The following TDRD9 variants were observed in gnomAD, a reference collection of about 807,000 sequenced individuals.
The protein encoded by TDRD9 is tudor domain containing 9.
TDRD9 carries 124 observed loss-of-function variants against 172.6 expected under a neutral mutation model. That is an observed-to-expected ratio of 0.72 (90% CI 0.62 to 0.83). TDRD9 has a LOEUF of 0.83. Among genes scored for constraint, TDRD9 ranks in the 40% least tolerant of loss-of-function variants. TDRD9 has a pLI of 0.00. For synonymous variants in TDRD9, 619 were observed against 617.1 expected (o/e 1.00, Z -0.05); for missense variants, 1,479 against 1,714.1 (o/e 0.86, Z 2.42).
chr14:103,976,039 C>A (rs2033226261), intron 7 of TDRD9, among the ~76,000 whole-genome samples: 1 of 152,052 alleles, frequency 6.6e-6, no homozygotes, highest in Admixed American at 6.5e-5. Context: ...TTCCTATTTC[C>A]CCCCCTTCCC....
At chr14:103,991,120 T>C (rs1304149132) in intron 8 of TDRD9, 40 bp from the exon 9 acceptor site, 1 of 1,612,196 alleles carries the variant, frequency 6.2e-7, no homozygotes, top group East Asian at 2.2e-5. Context: ...TAGCTGTTAT[T>C]AGCCTTCATT....
chr14:103,995,539 C>T (rs1389723421), intron 11 of TDRD9, among the ~76,000 whole-genome samples: 3 of 152,154 alleles, frequency 2.0e-5, no homozygotes, highest in Non-Finnish European at 4.4e-5. Context: ...GTGTTAAAGC[C>T]TTTGCTGTGT....
At chr14:104,035,592 G>C (rs974110614) in intron 32 of TDRD9, among the ~76,000 whole-genome samples, 1 of 152,234 alleles carries the variant, frequency 6.6e-6, no homozygotes, top group Non-Finnish European at 1.5e-5. Context: ...CCTCACAGTG[G>C]GGGCTGCTGC....
At chr14:103,948,031 A>G (rs2031662627) in intron 1 of TDRD9, among the ~76,000 whole-genome samples, 1 of 152,154 alleles carries the variant, frequency 6.6e-6, no homozygotes, top group African/African-American at 2.4e-5. Flanking sequence ...TATTTTTTTA[A>G]GAGGGAGGGT....
In TDRD9 at chr14:104,007,267, T is replaced by C. The variant is rs1020330736; in HGVS notation, c.2052+63T>C. On this transcript the variant is annotated intron_variant, in intron 19 of 35. Transcript: ENST00000409874. ...GGAGTAATGAGAGAAGGACTCTGTC[T>C]TGGTACAGTCATAGCGTGTGAATCA... 3 of 1,507,596 alleles carry C rather than the reference T, an allele frequency of 2.0e-6. No homozygotes were observed. The African/African-American group carries it at 4.1e-5, about 21-fold the overall frequency. 93.4% of individuals were successfully genotyped at this position (1,507,596 alleles called of 1,614,324 possible).
chr14:103,931,757 A>G (rs1032745059), intron 1 of TDRD9, among the ~76,000 whole-genome samples: 2 of 152,238 alleles, frequency 1.3e-5, no homozygotes, highest in African/African-American at 4.8e-5. Context: ...ATCATAGGAC[A>G]GGAAGATTAG....
chr14:103,951,696 A>T (rs1392489324), intron 1 of TDRD9, among the ~76,000 whole-genome samples: 5 of 152,266 alleles, frequency 3.3e-5, no homozygotes, highest in African/African-American at 9.6e-5. Context: ...ATTCTCTGGT[A>T]CTAGCTACTA....
At chr14:104,033,904 C>T (rs567333544) in intron 30 of TDRD9, 56 bp from the exon 31 acceptor site, 222 of 1,133,476 alleles carry the variant, frequency 2.0e-4, no homozygotes, top group Non-Finnish European at 2.8e-4. Context: ...GTTGGCATAG[C>T]ACATTGCCTG....
chr14:104,035,466 G>A (rs762384030), intron 32 of TDRD9, among the ~76,000 whole-genome samples: 9 of 152,176 alleles, frequency 5.9e-5, no homozygotes, highest in Non-Finnish European at 1.2e-4. Flanking sequence ...GACATCAGAA[G>A]GCAGATTGCC....
At chr14:103,991,550 C>A (rs566784994) in intron 9 of TDRD9, among the ~76,000 whole-genome samples, 1 of 150,256 alleles carries the variant, frequency 6.7e-6, no homozygotes, top group Non-Finnish European at 1.5e-5. Flanking sequence ...GTAGCTGGGA[C>A]TACAGGTGCA....
At chr14:103,954,887 C>T (rs965220454) in intron 1 of TDRD9, among the ~76,000 whole-genome samples, 1 of 151,652 alleles carries the variant, frequency 6.6e-6, no homozygotes, top group Non-Finnish European at 1.5e-5. Context: ...CCTTGGTCTC[C>T]CAAAGTGCTG....
chr14:103,999,643 A>ACATTTAATCTTTTAATCTTCAT, intron 13 of TDRD9, among the ~76,000 whole-genome samples: 1 of 130,470 alleles, frequency 7.7e-6, no homozygotes, highest in African/African-American at 3.0e-5. Context: ...TGTTTTTTAG[A>ACATTTAATCTTTTAATCTTCAT]AAACCTTTTG....
Position 104,024,663 on chromosome 14 carries a change from A to C in TDRD9, c.2701A>C (p.Thr901Pro), listed in dbSNP as rs755108864. 5 of 1,600,932 alleles carry C rather than the reference A, an allele frequency of 3.1e-6. No homozygotes were observed. Among genetic ancestry groups the C allele is most frequent in the Non-Finnish European group, 4.3e-6 (5 of 1,169,474 alleles). ...RSQTVTDLLLTIDVTEVVEVG... is the reference protein window; with the variant it reads ...RSQTVTDLLLPIDVTEVVEVG... ...CCAGACAGTTACAGATCTCCTTCTA[A>C]CTATTGATGTCACAGAGGTAAGGAT... Residue 901 changes from threonine to proline, a missense_variant, in exon 25 of 36, where the codon ACT becomes CCT. Coordinates refer to ENST00000409874, the MANE Select transcript of TDRD9 (RefSeq NM_153046.3).
chr14:104,007,185 G>A lies in TDRD9; in HGVS notation c.2033G>A (p.Gly678Glu). 6.2e-7 allele frequency: 1 copy of A among 1,613,920 alleles called. No individual in the cohort carries two copies. Among genetic ancestry groups the A allele is most frequent in the Non-Finnish European group, 8.5e-7 (1 of 1,179,864 alleles). Residue 678 changes from glycine to glutamate, a missense_variant, in exon 19 of 36, where the codon GGG becomes GAG. Gly to Glu is a moderately conservative substitution (Grantham distance 98, BLOSUM62 -2). This residue lies in a region of TDRD9 where 1,413 missense variants were observed against 1,649.1 expected (regional missense o/e 0.86). Coordinates refer to ENST00000409874, the MANE Select transcript of TDRD9 (RefSeq NM_153046.3). ...FKTWKACRQT[G>E]ELRYPKDELN... ...ACATGGAAGGCTTGCAGACAGACAG[G>A]GGAGCTGCGGTACCCGAAGGTTGGT...
chr14:103,986,285 T>G lies in TDRD9; in HGVS notation c.1080T>G (p.Ile360Met), dbSNP rs1290871552. 2 of 1,613,452 alleles carry G rather than the reference T, an allele frequency of 1.2e-6. No individual in the cohort carries two copies. The highest frequency in any genetic ancestry group is 1.7e-6 in the Non-Finnish European group (2 of 1,179,554). ...KDIYEVAVSL[I>M]QMFDDLDMKE... ...TATATGAAGTTGCTGTCTCTCTCAT[T>G]CAGATGTTTGATGACTTGGATATGA... Residue 360 changes from isoleucine (I) to methionine (M), a missense_variant, in exon 8 of 36, where the codon ATT (isoleucine) becomes ATG (methionine). Physicochemically the swap from Ile to Met is conservative, Grantham distance 10. Transcript: ENST00000409874.
intron 9 of TDRD9, among the ~76,000 whole-genome samples, chr14:103,992,909 A>AGCGAGACT (rs2033921698): frequency 7.6e-6 from 1 of 131,014 alleles, no homozygotes; most frequent in Non-Finnish European, 1.6e-5. Context: ...TGGGAGAAAG[A>AGCGAGACT]GCGAGACTCC....
chr14:103,987,762 A>T (rs1453425898), intron 8 of TDRD9, among the ~76,000 whole-genome samples: 1 of 152,168 alleles, frequency 6.6e-6, no homozygotes, highest in African/African-American at 2.4e-5. Context: ...TCTTTTAGGT[A>T]TGGTTGACTT....
chr14:103,987,123 TACACACAC>T (rs143714763), intron 8 of TDRD9, among the ~76,000 whole-genome samples: 5,718 of 145,718 alleles, frequency 0.039, 189 homozygotes, highest in East Asian at 0.18. Context: ...AAAAAATATA[TACACACAC>T]ACACACACAC....
chr14:104,014,852 G>A lies in TDRD9; in HGVS notation c.2223+11G>A. 6.7e-7 allele frequency: 1 copy of A among 1,485,320 alleles called. No homozygotes were observed. 92.0% of individuals were successfully genotyped at this position (1,485,320 alleles called of 1,614,324 possible). A position where few individuals can be genotyped will look rare whatever the true frequency, so the allele number is the denominator to read the frequency against. Reference sequence around the variant, plus strand: ...CGATTCATCCTACAGGTGTGCTGAAGTTTCCTGGATATTTTTTTTCCTGAT... The same window carrying A: ...CGATTCATCCTACAGGTGTGCTGAAATTTCCTGGATATTTTTTTTCCTGAT... On this transcript the variant is annotated intron_variant, in intron 21 of 35. Coordinates refer to ENST00000409874, the MANE Select transcript of TDRD9 (RefSeq NM_153046.3).
Sources: allele counts gnomAD v4.1 joint callset (sites outside exome capture counted in the v4.1 genomes callset), GRCh38; gene constraint gnomAD v4.1.1; regional missense constraint gnomAD v4.1.1; transcripts MANE v1.5; gene names NCBI Gene and HGNC (gene_info 2026-07-23, HGNC 2026-07-21).